The following DTNA variants were observed in gnomAD, a reference collection of about 807,000 sequenced individuals.
The protein encoded by DTNA is dystrophin-related protein 3.
In DTNA, 43 loss-of-function variants were observed where a neutral mutation model predicts 100.7. The ratio of observed to expected loss-of-function variants is 0.43; its 90% CI spans 0.33 to 0.55. The LOEUF is 0.55. DTNA is among the 20% of genes least tolerant of loss of function. The pLI, the probability that DTNA is intolerant of heterozygous loss-of-function variation, is 0.04. For missense variants in DTNA, 798 were observed against 953.9 expected (o/e 0.84, Z 2.15); for synonymous variants, 349 against 347.9 (o/e 1.00, Z -0.04).
At chr18:34,498,767 A>G (rs145380619) in intron 1 of DTNA, among the ~76,000 whole-genome samples, 1 of 152,276 alleles carries the variant, frequency 6.6e-6, no homozygotes, top group Non-Finnish European at 1.5e-5. Flanking sequence ...CTTGTCACAT[A>G]CCCCAAAATA....
intron 9 of DTNA, among the ~76,000 whole-genome samples, chr18:34,824,487 A>C (rs2095805757): frequency 6.6e-6 from 1 of 152,108 alleles, no homozygotes; most frequent in South Asian, 2.1e-4. Context: ...AAAAAAAAAA[A>C]AAATTTTTTT....
intron 5 of DTNA, 24 bp from the exon 6 acceptor site, chr18:34,811,935 T>C: frequency 5.6e-6 from 9 of 1,613,724 alleles, no homozygotes; most frequent in Non-Finnish European, 6.8e-6. Context: ...TGATGAATAA[T>C]ATCTTTCCTT....
chr18:34,853,590 T>A (rs911331000), intron 15 of DTNA, among the ~76,000 whole-genome samples: 2 of 152,086 alleles, frequency 1.3e-5, no homozygotes, highest in Non-Finnish European at 2.9e-5. Context: ...CATGACTCCA[T>A]CGCCTTTGAA....
chr18:34,516,792 C>G (rs1332078033), intron 1 of DTNA, among the ~76,000 whole-genome samples: 2 of 151,992 alleles, frequency 1.3e-5, no homozygotes, highest in African/African-American at 4.8e-5. Context: ...TTTTGGATGC[C>G]CGGATTCCAT....
At chr18:34,557,327 C>G (rs1202262358) in intron 1 of DTNA, among the ~76,000 whole-genome samples, 1 of 147,126 alleles carries the variant, frequency 6.8e-6, no homozygotes, top group African/African-American at 2.6e-5. Context: ...CCTCCTGTAG[C>G]TCAGAGTAAT....
At chr18:34,692,143 C>A (rs2079861925) in intron 1 of DTNA, among the ~76,000 whole-genome samples, 1 of 152,156 alleles carries the variant, frequency 6.6e-6, no homozygotes, top group African/African-American at 2.4e-5. Context: ...GTCTTCCTTT[C>A]TGGTTTTGAA....
At chr18:34,746,163 TA>T (rs967258740) in intron 1 of DTNA, among the ~76,000 whole-genome samples, 4 of 150,164 alleles carry the variant, frequency 2.7e-5, no homozygotes, top group East Asian at 1.9e-4. Context: ...CAAGGTTAAT[TA>T]AAAAAACAGT....
At chr18:34,717,726 T>C (rs960736607) in intron 1 of DTNA, among the ~76,000 whole-genome samples, 7 of 151,984 alleles carry the variant, frequency 4.6e-5, no homozygotes, top group Non-Finnish European at 8.8e-5. Flanking sequence ...GGAGAGAAAA[T>C]GCTGTGTGGA....
intron 1 of DTNA, among the ~76,000 whole-genome samples, chr18:34,592,864 T>G (rs1214708024): frequency 6.6e-6 from 1 of 152,232 alleles, no homozygotes; most frequent in East Asian, 1.9e-4. Context: ...AATGAAAATA[T>G]TTTTAATGCC....
intron 1 of DTNA, among the ~76,000 whole-genome samples, chr18:34,704,187 A>G (rs558396068): frequency 1.3e-5 from 2 of 152,206 alleles, no homozygotes; most frequent in Non-Finnish European, 2.9e-5. Context: ...GCATACACAC[A>G]TATTACTTGA....
chr18:34,608,431 T>G (rs1222987470), intron 1 of DTNA, among the ~76,000 whole-genome samples: 2 of 152,160 alleles, frequency 1.3e-5, no homozygotes, highest in Non-Finnish European at 2.9e-5. Flanking sequence ...CTTGAAATAT[T>G]TAATACCCTG....
intron 1 of DTNA, among the ~76,000 whole-genome samples, chr18:34,611,313 T>A (rs1259497420): frequency 6.6e-6 from 1 of 152,194 alleles, no homozygotes; most frequent in Non-Finnish European, 1.5e-5. Context: ...CTAGTGCAAA[T>A]CCCTTTTAGC....
At chr18:34,770,048 C>T (rs542060032) in intron 3 of DTNA, among the ~76,000 whole-genome samples, 1 of 152,080 alleles carries the variant, frequency 6.6e-6, no homozygotes, top group African/African-American at 2.4e-5. Flanking sequence ...GGGCACTAAT[C>T]CCCACCATGA....
At chr18:34,858,484 T>TC in intron 16 of DTNA, 86 bp downstream of exon 16, 1 of 1,346,052 alleles carries the variant, frequency 7.4e-7, no homozygotes, top group South Asian at 1.2e-5. Flanking sequence ...CAGAAAACAG[T>TC]CCTCAGCTAC....
chr18:34,796,607 A>C (rs535304368), intron 4 of DTNA, among the ~76,000 whole-genome samples: 1 of 152,348 alleles, frequency 6.6e-6, no homozygotes, highest in East Asian at 1.9e-4. Flanking sequence ...TGGACATATA[A>C]ATAAACAGGG....
intron 1 of DTNA, among the ~76,000 whole-genome samples, chr18:34,508,355 T>G (rs1159230897): frequency 6.6e-6 from 1 of 152,152 alleles, no homozygotes; most frequent in Non-Finnish European, 1.5e-5. Flanking sequence ...TCATTGTCAT[T>G]ACTACATCAG....
At chr18:34,868,015 C>T (rs2096725328) in intron 17 of DTNA, 1 of 984,716 alleles carries the variant, frequency 1.0e-6, no homozygotes, top group Non-Finnish European at 1.2e-6. Flanking sequence ...CAAAAAGGAC[C>T]TGAGGCAGCT....
chr18:34,526,465 A>G (rs1017503460), intron 1 of DTNA, among the ~76,000 whole-genome samples: 1 of 152,134 alleles, frequency 6.6e-6, no homozygotes, highest in Non-Finnish European at 1.5e-5. Flanking sequence ...TGGTACCTCT[A>G]TCAAGGGTTT....
At chr18:34,861,102 C>A (rs1402065016) in intron 16 of DTNA, among the ~76,000 whole-genome samples, 2 of 151,990 alleles carry the variant, frequency 1.3e-5, no homozygotes, top group Non-Finnish European at 2.9e-5. Flanking sequence ...ATACCATCTT[C>A]AATTCGGGAA....
Sources: allele counts gnomAD v4.1 joint callset (sites outside exome capture counted in the v4.1 genomes callset), GRCh38; gene constraint gnomAD v4.1.1; transcripts MANE v1.5; gene names NCBI Gene and HGNC (gene_info 2026-07-23, HGNC 2026-07-21).